LGR4: variants seen among roughly 807,000 people sequenced by gnomAD.
LGR4 encodes the protein leucine-rich repeat-containing G protein-coupled receptor 4.
A neutral mutation model predicts 84.8 loss-of-function variants in LGR4; 44 were observed. The observed-to-expected ratio is 0.52, with a 90% CI of 0.41 to 0.67. The LOEUF is 0.67. Among genes scored for constraint, LGR4 ranks in the 30% least tolerant of loss-of-function variants. LGR4 has a pLI of 0.00. For missense variants in LGR4, 1,032 were observed against 1,131.4 expected, an observed-to-expected ratio of 0.91 and a Z score of 1.26; for synonymous variants, 429 against 434.3, an observed-to-expected ratio of 0.99 and a Z score of 0.15.
At chr11:27,410,638 A>G (rs773170315) in intron 2 of LGR4, among the ~76,000 whole-genome samples, 6 of 152,130 alleles carry the variant, frequency 3.9e-5, no homozygotes, top group Non-Finnish European at 7.4e-5. Flanking sequence ...TTTAGTATTT[A>G]TATTAATGTG....
intron 1 of LGR4, among the ~76,000 whole-genome samples, chr11:27,423,124 C>T (rs1189434615): frequency 1.3e-5 from 2 of 152,118 alleles, no homozygotes; most frequent in African/African-American, 4.8e-5. Context: ...AAAAAACCTA[C>T]ACTCCAGTAA....
intron 1 of LGR4, among the ~76,000 whole-genome samples, chr11:27,427,175 G>C (rs1393484219): frequency 6.6e-6 from 1 of 152,132 alleles, no homozygotes; most frequent in Admixed American, 6.5e-5. Flanking sequence ...AAAAGGAGTG[G>C]ATGTATTATT....
At chr11:27,392,242 G>A (rs953485089) in intron 3 of LGR4, among the ~76,000 whole-genome samples, 1 of 151,786 alleles carries the variant, frequency 6.6e-6, no homozygotes, top group African/African-American at 2.4e-5. Context: ...GTCAGAATAC[G>A]TATTATTTAG....
At chr11:27,425,274 A>G (rs1864000906) in intron 1 of LGR4, among the ~76,000 whole-genome samples, 2 of 151,968 alleles carry the variant, frequency 1.3e-5, no homozygotes, top group South Asian at 4.2e-4. Context: ...CAACAATAAT[A>G]TATTCTGGTT....
chr11:27,378,819 G>A, intron 10 of LGR4, 51 bp from the exon 11 acceptor site: 1 of 1,320,544 alleles, frequency 7.6e-7, no homozygotes, highest in Non-Finnish European at 1.1e-6. Context: ...AAGATAGTAA[G>A]CAAAATTTAT....
In LGR4 at chr11:27,468,155, A is replaced by G. The variant is rs117001083; in HGVS notation, c.185+3963T>C. Among the ~76,000 whole-genome samples, 30 of 152,336 alleles carry G rather than the reference A, an allele frequency of 2.0e-4. No homozygotes were observed. In the East Asian group the frequency reaches 4.6e-3, roughly 23 times the overall value. On this transcript the variant is annotated intron_variant, in intron 1 of 17. Coordinates refer to ENST00000379214, the MANE Select transcript of LGR4 (RefSeq NM_018490.5). ...GGGAAGAATCTGAGATGATCTTTCC[A>G]AAAGGAGATTCTTTAAAAACACTTT...
intron 2 of LGR4, among the ~76,000 whole-genome samples, chr11:27,407,487 A>G (rs1222510432): frequency 1.3e-5 from 2 of 152,170 alleles, no homozygotes; most frequent in South Asian, 4.1e-4. Flanking sequence ...AAGTAATAAT[A>G]AACTCCTCAT....
intron 1 of LGR4, among the ~76,000 whole-genome samples, chr11:27,438,883 C>T (rs1010493744): frequency 1.3e-5 from 2 of 152,134 alleles, no homozygotes; most frequent in Admixed American, 6.5e-5. Context: ...TGGAACTATA[C>T]CTCCAATAAC....
intron 10 of LGR4, among the ~76,000 whole-genome samples, chr11:27,379,390 A>G (rs1863048558): frequency 6.6e-6 from 1 of 152,196 alleles, no homozygotes; most frequent in Non-Finnish European, 1.5e-5. Flanking sequence ...TCATCTGGTC[A>G]GGTAGACTAT....
At chr11:27,379,434 A>C (rs758180047) in intron 10 of LGR4, among the ~76,000 whole-genome samples, 1 of 152,152 alleles carries the variant, frequency 6.6e-6, no homozygotes, top group African/African-American at 2.4e-5. Context: ...CCCCATCTCT[A>C]GTCTCTTTCT....
rs1176631346 is a variant in LGR4, at chr11:27,472,655, G to T, written c.-353C>A. The T allele has an allele frequency of 2.8e-6, 1 of 355,712 alleles. No individual in the cohort carries two copies. The highest frequency in any genetic ancestry group is 5.0e-6 in the Non-Finnish European group (1 of 198,498). The allele number at this position is 355,712 out of a possible 1,614,324, so 22.0% of individuals were successfully genotyped here. Reference sequence around the variant, plus strand: ...CAGCGGCTCTTCAAGGTTGCAGAGCGCAGCCTTCAGCCATGCCGGCCACTC... The same window carrying T: ...CAGCGGCTCTTCAAGGTTGCAGAGCTCAGCCTTCAGCCATGCCGGCCACTC... On this transcript the variant is annotated 5_prime_UTR_variant, in exon 1 of 18. The change creates a premature stop within an existing upstream ORF in the 5' untranslated region. Coordinates refer to ENST00000379214, the MANE Select transcript of LGR4 (RefSeq NM_018490.5).
In LGR4 at chr11:27,378,545, G is replaced by T. The variant is rs371785395; in HGVS notation, c.1043+152C>A. On this transcript the variant is annotated intron_variant, in intron 11 of 17. Coordinates refer to ENST00000379214, the MANE Select transcript of LGR4 (RefSeq NM_018490.5). Reference sequence around the variant, plus strand: ...AATTCAAATGCACATTACCCACCCTGGAGATGACTCAAATATCTGCTCCTT... The same window carrying T: ...AATTCAAATGCACATTACCCACCCTTGAGATGACTCAAATATCTGCTCCTT... 94 of 650,390 alleles carry T rather than the reference G, an allele frequency of 1.4e-4. 1 individual carries two copies. In the East Asian group the frequency reaches 2.2e-3, roughly 16 times the overall value. 40.3% of individuals were successfully genotyped at this position (650,390 alleles called of 1,614,324 possible). A position where few individuals can be genotyped will look rare whatever the true frequency, so the allele number is the denominator to read the frequency against.
At chr11:27,419,604 TATATATAAATATA>T (rs1166992101) in intron 1 of LGR4, among the ~76,000 whole-genome samples, 1 of 147,590 alleles carries the variant, frequency 6.8e-6, no homozygotes, top group Non-Finnish European at 1.5e-5. Flanking sequence ...ATATATGTAT[TATATATAAATATA>T]ATATATAATA....
At chr11:27,452,502 C>T (rs549549547) in intron 1 of LGR4, among the ~76,000 whole-genome samples, 3 of 152,172 alleles carry the variant, frequency 2.0e-5, no homozygotes, top group South Asian at 2.1e-4. Context: ...TGCCCTCCTG[C>T]GACACTTTTC....
At chr11:27,419,026 C>A (rs2133406346) in intron 1 of LGR4, among the ~76,000 whole-genome samples, 1 of 152,028 alleles carries the variant, frequency 6.6e-6, no homozygotes, top group Admixed American at 6.6e-5. Flanking sequence ...TTTGTAGAGA[C>A]CAGGTTTCAC....
chr11:27,393,193 T>C (rs1425014530), intron 2 of LGR4, among the ~76,000 whole-genome samples: 2 of 152,154 alleles, frequency 1.3e-5, no homozygotes, highest in East Asian at 3.9e-4. Flanking sequence ...GAGCCCTACT[T>C]TTCCTCCTAT....
intron 2 of LGR4, among the ~76,000 whole-genome samples, chr11:27,401,098 T>C (rs75586720): frequency 0.091 from 13,827 of 152,210 alleles, 835 homozygotes; most frequent in African/African-American, 0.16. Flanking sequence ...ACCCTTATTA[T>C]GGAAATTCTC....
chr11:27,456,106 CA>C (rs1048161990), intron 1 of LGR4, among the ~76,000 whole-genome samples: 2 of 152,122 alleles, frequency 1.3e-5, no homozygotes, highest in African/African-American at 4.8e-5. Context: ...AAAATGCTTC[CA>C]GGGGAAGAAG....
chr11:27,392,375 G>A, intron 3 of LGR4, 72 bp downstream of exon 3: 1 of 1,207,940 alleles, frequency 8.3e-7, no homozygotes, highest in Non-Finnish European at 1.2e-6. Flanking sequence ...GCTTAACCTA[G>A]TTCCAAGCAT....
Sources: allele counts gnomAD v4.1 joint callset (sites outside exome capture counted in the v4.1 genomes callset), GRCh38; gene constraint gnomAD v4.1.1; transcripts MANE v1.5; gene names NCBI Gene and HGNC (gene_info 2026-07-23, HGNC 2026-07-21).